CD72: variants seen among roughly 807,000 people sequenced by gnomAD.
CD72 encodes the protein CD72 molecule, also known as B-cell differentiation antigen CD72.
In CD72, 28 loss-of-function variants were observed where a neutral mutation model predicts 50.7. The observed-to-expected ratio is 0.55, with a 90% CI of 0.41 to 0.76. The LOEUF is 0.76. Among genes scored for constraint, CD72 ranks in the 30% least tolerant of loss-of-function variants. The pLI is 0.00. For missense variants in CD72, 403 were observed against 420.6 expected (o/e 0.96, Z 0.37); for synonymous variants, 176 against 171.2 (o/e 1.03, Z -0.22).
chr9:35,632,651 A>C, intron 1 of CD72, among the ~76,000 whole-genome samples: 1 of 146,052 alleles, frequency 6.8e-6, no homozygotes. Flanking sequence ...ATCTCGGCTC[A>C]CTGCAACCTC....
chr9:35,627,133 C>T (rs1288923910), intron 1 of CD72, among the ~76,000 whole-genome samples: 2 of 150,836 alleles, frequency 1.3e-5, no homozygotes, highest in Non-Finnish European at 3.0e-5. Context: ...CCACCACGCC[C>T]GGCCTTTTTT....
At position 35,618,401 on chromosome 9, in the gene CD72, CCTCT is replaced by C. The variant is rs780625485; in HGVS notation, c.-102_-99del. The C allele has an allele frequency of 2.4e-5, 38 of 1,574,098 alleles. No homozygotes were observed. The highest frequency in any genetic ancestry group is 2.5e-5 in the Non-Finnish European group (29 of 1,160,198). ...CCGTTTACAACTAGGCTCTGTGTTC[CCTCT>C]GTGACTGCACGGCTTAGCAATTGGC... On this transcript the variant is annotated 5_prime_UTR_variant, in exon 1 of 9. Coordinates refer to ENST00000259633, the MANE Select transcript of CD72 (RefSeq NM_001782.3).
chr9:35,627,791 G>C (rs1212526551), intron 1 of CD72, among the ~76,000 whole-genome samples: 1 of 152,088 alleles, frequency 6.6e-6, no homozygotes, highest in Non-Finnish European at 1.5e-5. Context: ...GGGGATTTTA[G>C]CTTGTCCCAC....
chr9:35,619,077 G>A (rs534375944), upstream of CD72, among the ~76,000 whole-genome samples: 47 of 152,334 alleles, frequency 3.1e-4, no homozygotes, highest in Non-Finnish European at 5.3e-4. Flanking sequence ...CCGGACCAGC[G>A]GAGGTCTTGA....
At chr9:35,638,966 A>G (rs1353191494) in intron 1 of CD72, among the ~76,000 whole-genome samples, 1 of 152,202 alleles carries the variant, frequency 6.6e-6, no homozygotes, top group African/African-American at 2.4e-5. Context: ...CCCGCTTGGC[A>G]GCAACCCTTA....
intron 1 of CD72, among the ~76,000 whole-genome samples, chr9:35,632,797 C>G (rs1007594754): frequency 6.6e-6 from 1 of 151,546 alleles, no homozygotes; most frequent in African/African-American, 2.4e-5. Flanking sequence ...AGGCTGGTCT[C>G]AAACTCCTGA....
intron 1 of CD72, among the ~76,000 whole-genome samples, chr9:35,637,232 C>T (rs1009197263): frequency 6.6e-6 from 1 of 151,102 alleles, no homozygotes; most frequent in East Asian, 1.9e-4. Context: ...TCCCATCACC[C>T]TTTGCTGACT....
In CD72 at chr9:35,612,909, T is replaced by C. The variant is rs1183125017; in HGVS notation, c.773A>G (p.Gln258Arg). The C allele has an allele frequency of 3.7e-6, 6 of 1,614,200 alleles. No homozygotes were observed. Among genetic ancestry groups the C allele is most frequent in the Non-Finnish European group, 4.2e-6 (5 of 1,180,016 alleles). Residue 258 changes from glutamine (Q) to arginine (R), a missense_variant, in exon 6 of 9, where the codon CAA (glutamine) becomes CGA (arginine). By Grantham distance (43) the Gln-to-Arg change is conservative. Transcript: ENST00000259633. ...SLTSKNWQES[Q>R]KQCETLSSKL... ...GGAAGACAGAGTTTCACATTGTTTT[T>C]GGCTCTCCTGCCAATTTTTTGAAGT...
At chr9:35,638,379 T>A (rs936946740) in intron 1 of CD72, among the ~76,000 whole-genome samples, 40 of 151,906 alleles carry the variant, frequency 2.6e-4, no homozygotes, top group Admixed American at 1.8e-3. Context: ...CTCTTCAGCC[T>A]CCGCTCCCCC....
intron 1 of CD72, chr9:35,646,393 A>G (rs1823392945): frequency 6.6e-6 from 1 of 152,262 alleles, no homozygotes; most frequent in South Asian, 2.1e-4. Flanking sequence ...GGAGTCCACT[A>G]GGGAAGTACC....
chr9:35,627,021 GTA>G (rs901113163), intron 1 of CD72, among the ~76,000 whole-genome samples: 4 of 152,122 alleles, frequency 2.6e-5, no homozygotes, highest in African/African-American at 9.6e-5. Flanking sequence ...TGTATTTTTA[GTA>G]GAGAGGGGAT....
intron 1 of CD72, among the ~76,000 whole-genome samples, chr9:35,644,888 C>CT (rs1190873714): frequency 7.2e-6 from 1 of 139,702 alleles, no homozygotes; most frequent in Non-Finnish European, 1.5e-5. Context: ...GAAAACATAA[C>CT]TTTGACTGAA....
intron 5 of CD72, 143 bp from the exon 6 acceptor site, chr9:35,613,136 C>T (rs1184610247): frequency 1.5e-6 from 1 of 679,000 alleles, no homozygotes; most frequent in East Asian, 2.7e-5. Flanking sequence ...CTTTTGCATC[C>T]CCTGGAAACA....
chr9:35,611,815 T>A lies in CD72; in HGVS notation c.939A>T (p.Thr313=). Residue 313 remains threonine, a synonymous_variant, in exon 7 of 9, where the codon ACA becomes ACT. Transcript: ENST00000259633. ...CCTAACAAACTTACCTAGTGCGTTGTGTATCATCAGTCAACTTCCAATCCT... is the reference window on the plus strand; with the variant it reads ...CCTAACAAACTTACCTAGTGCGTTGAGTATCATCAGTCAACTTCCAATCCT... ...SNKDWKLTDD[T]QRTRTYAQSS... 1 of 1,587,668 alleles carries A rather than the reference T, an allele frequency of 6.3e-7. No individual in the cohort carries two copies. The highest frequency in any genetic ancestry group is 8.7e-7 in the Non-Finnish European group (1 of 1,155,862).
At chr9:35,635,825 C>A (rs1269714868) in intron 1 of CD72, among the ~76,000 whole-genome samples, 1 of 152,138 alleles carries the variant, frequency 6.6e-6, no homozygotes, top group African/African-American at 2.4e-5. Flanking sequence ...CTGCTTGGAG[C>A]CCAGAGGAGC....
At chr9:35,644,658 T>C (rs1823371031) in intron 1 of CD72, among the ~76,000 whole-genome samples, 1 of 152,204 alleles carries the variant, frequency 6.6e-6, no homozygotes, top group African/African-American at 2.4e-5. Flanking sequence ...TATATGATTC[T>C]AGAAATTTAT....
At chr9:35,615,857 C>G (rs1823054996) in intron 5 of CD72, 86 bp downstream of exon 5, 1 of 1,091,940 alleles carries the variant, frequency 9.2e-7, no homozygotes, top group Non-Finnish European at 1.3e-6. Context: ...GAACACCTCA[C>G]AGGCCCCTGG....
intron 7 of CD72, among the ~76,000 whole-genome samples, chr9:35,611,170 G>A (rs1355171861): frequency 6.6e-6 from 1 of 151,730 alleles, no homozygotes; most frequent in Non-Finnish European, 1.5e-5. Flanking sequence ...AGAATGGTGT[G>A]AACCCCTGAG....
chr9:35,634,124 T>C (rs2131785310), intron 1 of CD72, among the ~76,000 whole-genome samples: 1 of 152,282 alleles, frequency 6.6e-6, no homozygotes, highest in South Asian at 2.1e-4. Flanking sequence ...TAAAGTTTTT[T>C]TATATTGTTG....
Sources: gnomAD v4.1 joint callset for allele counts (sites outside exome capture counted in the v4.1 genomes callset) on GRCh38, gnomAD v4.1.1 for gene constraint, MANE v1.5 for transcripts, NCBI Gene and HGNC (gene_info 2026-07-23, HGNC 2026-07-21) for gene names.